The following USH2A variants were observed in gnomAD, a reference collection of about 807,000 sequenced individuals.
USH2A encodes the protein Usher syndrome 2A (autosomal recessive, mild).
A neutral mutation model predicts 538.9 loss-of-function variants in USH2A; 443 were observed. The ratio of observed to expected loss-of-function variants is 0.82; its 90% CI spans 0.76 to 0.89. USH2A has a LOEUF of 0.89. Ranked by LOEUF, USH2A falls within the 40% of genes least tolerant of loss-of-function variation. The pLI is 0.00. For synonymous variants in USH2A, 2,413 were observed against 2,273.5 expected (o/e 1.06, Z -1.75); for missense variants, 6,633 against 6,324.8 (o/e 1.05, Z -1.65).
intron 21 of USH2A, among the ~76,000 whole-genome samples, chr1:216,125,530 G>A (rs1226899481): frequency 3.3e-5 from 5 of 152,166 alleles, no homozygotes; most frequent in African/African-American, 4.8e-5. Context: ...GTTAGTAGGC[G>A]AGCTTTAAAC....
At chr1:215,728,439 T>C in intron 60 of USH2A, 55 bp from the exon 61 acceptor site, 1 of 1,541,486 alleles carries the variant, frequency 6.5e-7, no homozygotes, top group South Asian at 1.1e-5. Flanking sequence ...AAAACAAAGT[T>C]TGTAGATGGA....
intron 3 of USH2A, among the ~76,000 whole-genome samples, chr1:216,403,533 A>G (rs2039342560): frequency 6.6e-6 from 1 of 152,138 alleles, no homozygotes; most frequent in African/African-American, 2.4e-5. Flanking sequence ...TCCAACAAAT[A>G]AAGAATTTCC....
chr1:216,417,597 A>G (rs1430641923), intron 3 of USH2A, among the ~76,000 whole-genome samples: 1 of 152,076 alleles, frequency 6.6e-6, no homozygotes, highest in Non-Finnish European at 1.5e-5. Context: ...TGGTGGTTTA[A>G]AAGTGTGAAG....
rs142143100 is a variant in USH2A, at chr1:215,900,178, C to T, written c.7491G>A (p.Val2497=). The T allele has an allele frequency of 6.2e-7, 1 of 1,613,678 alleles. No individual in the cohort carries two copies. Among genetic ancestry groups the T allele is most frequent in the Non-Finnish European group, 8.5e-7 (1 of 1,179,762 alleles). The change falls in exon 40 of 72, where the codon GTG becomes GTA. Residue 2497 remains valine (V), a synonymous_variant. Transcript: ENST00000307340. ...ACTCTGTGTACGGTTGGAGATCACT[C>T]ACTTCATAGCTTAACGATGCAGAAG... is the stretch of plus-strand genomic sequence containing the variant. The part of the protein sequence containing the change: ...SNPSASLSYE[V]SDLQPYTEYM...
intron 21 of USH2A, among the ~76,000 whole-genome samples, chr1:216,156,544 C>T (rs2033945962): frequency 6.6e-6 from 1 of 152,062 alleles, no homozygotes; most frequent in African/African-American, 2.4e-5. Flanking sequence ...CACTTATAAA[C>T]TCCTCTCAGA....
chr1:216,421,395 C>T (rs2039674064), intron 2 of USH2A, among the ~76,000 whole-genome samples: 1 of 151,998 alleles, frequency 6.6e-6, no homozygotes, highest in Non-Finnish European at 1.5e-5. Context: ...CTTGGGGAAA[C>T]GAGGATGAAG....
At chr1:216,303,233 T>G (rs2037246991) in intron 9 of USH2A, among the ~76,000 whole-genome samples, 1 of 151,992 alleles carries the variant, frequency 6.6e-6, no homozygotes, top group Non-Finnish European at 1.5e-5. Flanking sequence ...CAATTCTATT[T>G]TATTGCAACC....
At chr1:215,987,295 T>A (rs1667893479) in intron 35 of USH2A, among the ~76,000 whole-genome samples, 4 of 152,190 alleles carry the variant, frequency 2.6e-5, no homozygotes, top group Admixed American at 6.5e-5. Context: ...ACAATACAGG[T>A]CACAAATGTA....
At chr1:216,308,772 T>C (rs942203320) in intron 9 of USH2A, among the ~76,000 whole-genome samples, 6 of 152,214 alleles carry the variant, frequency 3.9e-5, no homozygotes, top group Non-Finnish European at 8.8e-5. Context: ...AATTTTATAC[T>C]TTATAATTAT....
rs377191191 is a variant in USH2A at position 215,867,117 on chromosome 1, G to A, written c.8735C>T (p.Pro2912Leu). ...CGTTGTCACAGTCACTTCTCGGCTCGGTGTAAAACCCACACTGTTGTGTAC... is the reference window on the plus strand; with the variant it reads ...CGTTGTCACAGTCACTTCTCGGCTCAGTGTAAAACCCACACTGTTGTGTAC... Reference protein sequence around the residue: ...LFVHNSVGFTPSREVTVTTLA... With the variant: ...LFVHNSVGFTLSREVTVTTLA... The change falls in exon 44 of 72, where the codon CCG becomes CTG. Residue 2912 changes from proline (P) to leucine (L), a missense_variant. By Grantham distance (98) the Pro-to-Leu change is moderately conservative (BLOSUM62 -3). Transcript: ENST00000307340. 3.7e-6 allele frequency: 6 copies of A among 1,613,836 alleles called. No homozygotes were observed. The highest frequency in any genetic ancestry group is 2.2e-5 in the South Asian group (2 of 91,082).
At chr1:215,751,455 G>A (rs1022605616) in intron 58 of USH2A, among the ~76,000 whole-genome samples, 2 of 151,970 alleles carry the variant, frequency 1.3e-5, no homozygotes, top group East Asian at 1.9e-4. Flanking sequence ...CATGATTAAG[G>A]GCTAGAACAG....
At chr1:215,870,287 ATTTTT>A (rs754723581) in intron 43 of USH2A, among the ~76,000 whole-genome samples, 1 of 145,194 alleles carries the variant, frequency 6.9e-6, no homozygotes, top group Non-Finnish European at 1.5e-5. Flanking sequence ...TTTATTTTTT[ATTTTT>A]TTTTTATTTA....
chr1:216,287,191 A>G (rs2036902480), intron 11 of USH2A, among the ~76,000 whole-genome samples: 1 of 152,228 alleles, frequency 6.6e-6, no homozygotes. Context: ...AACTAAAGAA[A>G]AAAAGATCAC....
intron 2 of USH2A, among the ~76,000 whole-genome samples, chr1:216,421,164 C>G (rs561841915): frequency 6.6e-6 from 1 of 152,130 alleles, no homozygotes; most frequent in East Asian, 1.9e-4. Context: ...CAAAAAATGG[C>G]AGTAATAAGA....
At chr1:215,962,599 T>C (rs1319606998) in intron 37 of USH2A, among the ~76,000 whole-genome samples, 1 of 151,986 alleles carries the variant, frequency 6.6e-6, no homozygotes, top group Admixed American at 6.6e-5. Context: ...AAATGTTGCA[T>C]GTGTGAGATG....
intron 37 of USH2A, among the ~76,000 whole-genome samples, chr1:215,954,273 A>G (rs547621226): frequency 1.3e-5 from 2 of 152,196 alleles, no homozygotes; most frequent in East Asian, 3.9e-4. Flanking sequence ...ACGTATGTTT[A>G]TTGTGGCACT....
chr1:216,232,683 C>T (rs1315009250), intron 13 of USH2A, among the ~76,000 whole-genome samples: 1 of 152,088 alleles, frequency 6.6e-6, no homozygotes, highest in Non-Finnish European at 1.5e-5. Context: ...CTATATTTTG[C>T]TAATTACCAA....
At position 215,838,087 on chromosome 1, in the gene USH2A, A is replaced by C. The variant is rs373286445; in HGVS notation, c.9275T>G (p.Ile3092Arg). The C allele has an allele frequency of 2.4e-5, 39 of 1,613,988 alleles. No individual in the cohort carries two copies. The Middle Eastern group carries it at 4.9e-4, about 20-fold the overall frequency. The change falls in exon 47 of 72, where the codon ATA becomes AGA. Residue 3092 changes from isoleucine (I) to arginine (R), a missense_variant. Coordinates refer to ENST00000307340, the MANE Select transcript of USH2A (RefSeq NM_206933.4). ...IYDIQVEVCT[I>R]YACVKSNGTQ... ...TCCATTGCTTTTCACGCAGGCATAT[A>C]TTGTGCAGACTTCAACCTGCAAACA...
chr1:215,725,822 C>T (rs1391180384), intron 61 of USH2A, among the ~76,000 whole-genome samples: 2 of 152,150 alleles, frequency 1.3e-5, no homozygotes, highest in Non-Finnish European at 2.9e-5. Context: ...TGGGGCCATA[C>T]ACTTGCCTCT....
Sources: allele counts gnomAD v4.1 joint callset (sites outside exome capture counted in the v4.1 genomes callset), GRCh38; gene constraint gnomAD v4.1.1; transcripts MANE v1.5; gene names NCBI Gene and HGNC (gene_info 2026-07-23, HGNC 2026-07-21).